The following HS6ST2 variants were observed in gnomAD, a reference collection of about 807,000 sequenced individuals.
HS6ST2 encodes heparan sulfate 6-O-sulfotransferase 2, also known as heparan-sulfate 6-O-sulfotransferase 2.
Under a neutral mutation model 33.0 loss-of-function variants are expected in HS6ST2, and 17 were observed. That is an observed-to-expected ratio of 0.52 (90% confidence interval 0.35 to 0.77). The LOEUF (loss-of-function observed/expected upper bound fraction) is 0.77. Ranked by LOEUF, HS6ST2 falls within the 30% of genes least tolerant of loss-of-function variation. The probability of loss-of-function intolerance (pLI) is 0.01; values close to 1 mark genes in which losing one functional copy is unlikely to be tolerated. For missense variants in HS6ST2, 519 were observed against 551.7 expected (o/e 0.94, Z 0.59); for synonymous variants, 248 against 237.1 (o/e 1.05, Z -0.42).
intron 2 of HS6ST2, among the ~76,000 whole-genome samples, chrX:132,939,488 G>A (rs1191628658): frequency 1.8e-5 from 2 of 110,381 alleles, no homozygotes; most frequent in Non-Finnish European, 3.8e-5. Flanking sequence ...AGCCGGGCAT[G>A]GTGGCGTGCA....
chrX:132,749,008 A>C (rs778011619), intron 2 of HS6ST2, among the ~76,000 whole-genome samples: 1 of 111,609 alleles, frequency 9.0e-6, no homozygotes, highest in East Asian at 2.8e-4. Context: ...GAGATTCCCC[A>C]AATATGGCAA....
In HS6ST2 at chrX:132,629,003, T is replaced by G; in HGVS notation, c.1158A>C (p.Ala386=). 8.3e-7 allele frequency: 1 copy of G among 1,207,428 alleles called. No individual in the cohort carries two copies. Among genetic ancestry groups the G allele is most frequent in the Non-Finnish European group, 1.1e-6 (1 of 893,463 alleles). ...RHVQRGATWK[A]SLHVCDGRPP... The stretch of plus-strand genomic sequence containing the variant: ...GCCTTCCATCGCAGACATGCAGGGA[T>G]GCTTTCCATGTTGCCCCTCTCTGGA... Residue 386 remains alanine (A), a synonymous_variant, in exon 5 of 5, where the codon GCA becomes GCC. Transcript: ENST00000370833.
intron 2 of HS6ST2, among the ~76,000 whole-genome samples, chrX:132,794,201 A>G (rs1045965064): frequency 8.9e-6 from 1 of 112,021 alleles, no homozygotes. Flanking sequence ...GCTTGGACTT[A>G]GATGAAGGCT....
chrX:132,637,973 T>TATA (rs1290543906), intron 4 of HS6ST2, among the ~76,000 whole-genome samples: 3 of 79,922 alleles, frequency 3.8e-5, no homozygotes, highest in South Asian at 5.4e-4. Flanking sequence ...ATATTTTATA[T>TATA]ATATATATAA....
intron 2 of HS6ST2, among the ~76,000 whole-genome samples, chrX:132,821,043 A>T (rs941117716): frequency 9.1e-6 from 1 of 110,140 alleles, no homozygotes; most frequent in Non-Finnish European, 1.9e-5. Flanking sequence ...AAGTGATTTG[A>T]CTGATAATTC....
At chrX:132,941,925 C>T in intron 2 of HS6ST2, among the ~76,000 whole-genome samples, 1 of 111,584 alleles carries the variant, frequency 9.0e-6, no homozygotes, top group South Asian at 3.8e-4. Flanking sequence ...TAAAAAATAC[C>T]TTGCTTCAGC....
At chrX:132,747,849 A>G (rs772363099) in intron 2 of HS6ST2, among the ~76,000 whole-genome samples, 2 of 111,381 alleles carry the variant, frequency 1.8e-5, no homozygotes, top group East Asian at 5.7e-4. Flanking sequence ...CACACTCTCC[A>G]GGTGGGAGGC....
intron 2 of HS6ST2, among the ~76,000 whole-genome samples, chrX:132,933,549 G>GA (rs1334617891): frequency 2.8e-5 from 3 of 108,878 alleles, no homozygotes; most frequent in African/African-American, 6.7e-5. Flanking sequence ...AAACAGAAAA[G>GA]AAAAAAAAAT....
chrX:132,915,421 T>G (rs2066575809), intron 2 of HS6ST2, among the ~76,000 whole-genome samples: 1 of 112,152 alleles, frequency 8.9e-6, no homozygotes, highest in Non-Finnish European at 1.9e-5. Context: ...TCAAGACGTA[T>G]CTTTAGATTT....
chrX:132,701,203 C>T (rs1743919217), intron 3 of HS6ST2, among the ~76,000 whole-genome samples: 1 of 112,034 alleles, frequency 8.9e-6, no homozygotes. Flanking sequence ...TATTTTCTCA[C>T]CTGCAGAAAA....
At chrX:132,775,862 A>G (rs1296513673) in intron 2 of HS6ST2, among the ~76,000 whole-genome samples, 4 of 111,874 alleles carry the variant, frequency 3.6e-5, no homozygotes, top group Admixed American at 9.5e-5. Context: ...TGCTTCAATG[A>G]TATCAGCCAC....
At chrX:132,653,441 T>C (rs1238123674) in intron 4 of HS6ST2, among the ~76,000 whole-genome samples, 1 of 112,050 alleles carries the variant, frequency 8.9e-6, no homozygotes, top group Non-Finnish European at 1.9e-5. Context: ...TGCAGCAGTA[T>C]TAAATTACCT....
At chrX:132,678,615 TG>T (rs2063943058) in intron 3 of HS6ST2, among the ~76,000 whole-genome samples, 1 of 112,593 alleles carries the variant, frequency 8.9e-6, no homozygotes, top group Non-Finnish European at 1.9e-5. Context: ...TTTGAATGCG[TG>T]TTATTTCTAA....
chrX:132,738,889 T>C (rs1286206816), intron 2 of HS6ST2, among the ~76,000 whole-genome samples: 1 of 111,406 alleles, frequency 9.0e-6, no homozygotes, highest in East Asian at 2.8e-4. Flanking sequence ...ATAAACTCAA[T>C]AAAAGGAGAT....
At chrX:132,768,899 G>A (rs1423181324) in intron 2 of HS6ST2, among the ~76,000 whole-genome samples, 1 of 112,471 alleles carries the variant, frequency 8.9e-6, no homozygotes, top group Non-Finnish European at 1.9e-5. Context: ...TCAAAATTCT[G>A]GGCATAAGCA....
At chrX:132,950,890 A>G (rs2067007782) in intron 2 of HS6ST2, among the ~76,000 whole-genome samples, 1 of 111,539 alleles carries the variant, frequency 9.0e-6, no homozygotes, top group Non-Finnish European at 1.9e-5. Flanking sequence ...TCCTTGGCTA[A>G]GAGTCCCATA....
At chrX:132,768,963 T>C (rs1261964210) in intron 2 of HS6ST2, among the ~76,000 whole-genome samples, 1 of 112,521 alleles carries the variant, frequency 8.9e-6, no homozygotes, top group Non-Finnish European at 1.9e-5. Context: ...GTGTAGTGCC[T>C]GTACGAATCA....
chrX:132,786,902 G>A (rs1329913419), intron 2 of HS6ST2, among the ~76,000 whole-genome samples: 1 of 107,943 alleles, frequency 9.3e-6, no homozygotes, highest in African/African-American at 3.4e-5. Context: ...GATTACAGAC[G>A]TGAGCCACCC....
intron 2 of HS6ST2, among the ~76,000 whole-genome samples, chrX:132,932,936 ATT>A (rs1370011805): frequency 1.4e-4 from 15 of 105,976 alleles, no homozygotes; most frequent in Non-Finnish European, 2.7e-4. Context: ...TTCTATATAT[ATT>A]TTCTATAATA....
Sources: allele counts gnomAD v4.1 joint callset (sites outside exome capture counted in the v4.1 genomes callset), GRCh38; gene constraint gnomAD v4.1.1; transcripts MANE v1.5; gene names NCBI Gene and HGNC (gene_info 2026-07-23, HGNC 2026-07-21).